The following DAPK2 variants were observed in gnomAD, a reference collection of about 807,000 sequenced individuals.
DAPK2 encodes the protein death-associated protein kinase 2.
DAPK2 carries 35 observed loss-of-function variants against 44.1 expected under a neutral mutation model. The ratio of observed to expected loss-of-function variants is 0.79; its 90% CI spans 0.61 to 1.05. The LOEUF (loss-of-function observed/expected upper bound fraction) is 1.05, where lower values mean the gene tolerates loss of function less well. Among genes scored for constraint, DAPK2 ranks in the 50% least tolerant of loss-of-function variants. DAPK2 has a pLI of 0.00. For synonymous variants in DAPK2, 174 were observed against 182.6 expected, an observed-to-expected ratio of 0.95 and a Z score of 0.38; for missense variants, 453 against 483.2, an observed-to-expected ratio of 0.94 and a Z score of 0.59.
intron 8 of DAPK2, among the ~76,000 whole-genome samples, chr15:63,915,336 C>A (rs1270743239): frequency 2.6e-5 from 4 of 152,208 alleles, no homozygotes; most frequent in Non-Finnish European, 5.9e-5. Flanking sequence ...GTGCTTAGCA[C>A]CCTCCCCAAC....
At chr15:63,957,517 C>T (rs1240471717) in intron 3 of DAPK2, among the ~76,000 whole-genome samples, 1 of 117,778 alleles carries the variant, frequency 8.5e-6, no homozygotes, top group African/African-American at 3.2e-5. Context: ...TCCCCCCACC[C>T]CATGACAGGC....
At chr15:63,910,099 G>C (rs1265756713) in intron 10 of DAPK2, among the ~76,000 whole-genome samples, 1 of 152,236 alleles carries the variant, frequency 6.6e-6, no homozygotes, top group African/African-American at 2.4e-5. Flanking sequence ...AAAAAAATAA[G>C]CTGGGTAAAG....
chr15:63,960,287 T>C (rs1335709179), intron 3 of DAPK2, among the ~76,000 whole-genome samples: 1 of 152,188 alleles, frequency 6.6e-6, no homozygotes, highest in African/African-American at 2.4e-5. Context: ...TTTGTTGATC[T>C]TTTCAAAAAA....
chr15:63,924,630 C>G (rs759148569), intron 8 of DAPK2, 186 bp downstream of exon 9: 70 of 565,098 alleles, frequency 1.2e-4, no homozygotes, highest in South Asian at 2.8e-4. Flanking sequence ...CTTAAAATAG[C>G]AAGCAAATAA....
At chr15:63,968,091 C>A (rs2078106360) in intron 3 of DAPK2, among the ~76,000 whole-genome samples, 1 of 152,170 alleles carries the variant, frequency 6.6e-6, no homozygotes, top group Non-Finnish European at 1.5e-5. Context: ...AACACAGAAC[C>A]AAGAAGCCTC....
rs569378532 is a variant in DAPK2 at position 63,983,497 on chromosome 15, C to T, written c.314+36G>A. ...TCCACTGCTCTGCCTGCCCCTGCTG[C>T]CCCCCAACCCTGTGGGTCCTGGGGA... On this transcript the variant is annotated intron_variant, in intron 2 of 10. Transcript: ENST00000261891. 1.1e-5 allele frequency: 17 copies of T among 1,592,706 alleles called. No individual in the cohort carries two copies. The South Asian group carries it at 1.4e-4, about 13-fold the overall frequency.
intron 3 of DAPK2, among the ~76,000 whole-genome samples, chr15:63,968,154 T>C (rs1456244860): frequency 6.6e-6 from 1 of 152,190 alleles, no homozygotes; most frequent in Admixed American, 6.5e-5. Flanking sequence ...GGAGACAGAA[T>C]GTTCCAGCCA....
chr15:63,993,763 C>G (rs1393766931), intron 1 of DAPK2, among the ~76,000 whole-genome samples: 1 of 152,002 alleles, frequency 6.6e-6, no homozygotes, highest in Admixed American at 6.6e-5. Context: ...TTTTCTCATC[C>G]AAAAATGAAG....
chr15:63,933,498 C>T (rs1401783694), intron 4 of DAPK2, among the ~76,000 whole-genome samples: 1 of 152,214 alleles, frequency 6.6e-6, no homozygotes. Flanking sequence ...GCCTCTCAGC[C>T]TCCCAAAGTG....
At chr15:64,014,717 C>T (rs747979061) in intron 1 of DAPK2, among the ~76,000 whole-genome samples, 5 of 152,078 alleles carry the variant, frequency 3.3e-5, no homozygotes, top group South Asian at 2.1e-4. Flanking sequence ...GTCAGGAGTT[C>T]GAGACCAGCC....
At chr15:63,977,000 T>C (rs2078368925) in intron 2 of DAPK2, among the ~76,000 whole-genome samples, 1 of 152,024 alleles carries the variant, frequency 6.6e-6, no homozygotes, top group Non-Finnish European at 1.5e-5. Context: ...AGGAATGAGT[T>C]AAAGAACACC....
intron 2 of DAPK2, among the ~76,000 whole-genome samples, chr15:63,975,676 GCAAC>G (rs1403818578): frequency 6.6e-6 from 1 of 151,230 alleles, no homozygotes; most frequent in African/African-American, 2.4e-5. Flanking sequence ...TCAGCTCACT[GCAAC>G]CTCCGCCTCC....
At chr15:63,922,396 A>G in intron 8 of DAPK2, 1 of 1,068,702 alleles carries the variant, frequency 9.4e-7, no homozygotes, top group South Asian at 3.6e-5. Flanking sequence ...AAAGTGAGAT[A>G]TGAACAAATC....
intron 1 of DAPK2, among the ~76,000 whole-genome samples, chr15:64,001,563 TC>T (rs1244406746): frequency 6.6e-6 from 1 of 152,140 alleles, no homozygotes; most frequent in African/African-American, 2.4e-5. Context: ...TCTGGAAATC[TC>T]CCCTTATGGC....
At position 63,939,405 on chromosome 15, in the gene DAPK2, G is replaced by A. The variant is rs549068017; in HGVS notation, c.454-44C>T. On this transcript the variant is annotated intron_variant, in intron 3 of 10. Transcript: ENST00000261891. This position sits in a 1 kb window ranked among gnomAD's most constrained non-coding sequence, Gnocchi z 4.3. ...AAAAAAAAAAAAGGAAGGAAGAAAA[G>A]AAAAAAAAAGACGGTAATTAAAGGC... 9 of 1,469,290 alleles carry A rather than the reference G, an allele frequency of 6.1e-6. No homozygotes were observed. Among genetic ancestry groups the A allele is most frequent in the Admixed American group, 2.2e-5 (1 of 45,972 alleles). 91.0% of individuals were successfully genotyped at this position (1,469,290 alleles called of 1,614,324 possible). A position where few individuals can be genotyped will look rare whatever the true frequency, so the allele number is the denominator to read the frequency against.
At chr15:63,922,480 G>T (rs1356776249) in intron 8 of DAPK2, 5 of 1,258,714 alleles carry the variant, frequency 4.0e-6, no homozygotes, top group African/African-American at 3.0e-5. Flanking sequence ...GACCCTGAGG[G>T]GTACTCACTC....
chr15:63,957,456 G>A (rs991671262), intron 3 of DAPK2, among the ~76,000 whole-genome samples: 7 of 151,624 alleles, frequency 4.6e-5, no homozygotes, highest in East Asian at 3.9e-4. Flanking sequence ...TGCTGCACCC[G>A]TTAACTCGTC....
intron 1 of DAPK2, among the ~76,000 whole-genome samples, chr15:64,015,905 C>T (rs1322340578): frequency 1.3e-5 from 2 of 152,212 alleles, no homozygotes; most frequent in South Asian, 2.1e-4. Context: ...TTTGGACTTC[C>T]GACCTCTACA....
intron 1 of DAPK2, among the ~76,000 whole-genome samples, chr15:64,025,753 T>C (rs1177757189): frequency 6.6e-6 from 1 of 152,210 alleles, no homozygotes; most frequent in Non-Finnish European, 1.5e-5. Context: ...AGTTTTTAAA[T>C]AATTAATTAA....
Sources: gnomAD v4.1 joint callset for allele counts (sites outside exome capture counted in the v4.1 genomes callset) on GRCh38, gnomAD v4.1.1 for gene constraint, Gnocchi (gnomAD v3.1) non-coding constraint, MANE v1.5 for transcripts, NCBI Gene and HGNC (gene_info 2026-07-23, HGNC 2026-07-21) for gene names.